The following NAALADL2 variants were observed in gnomAD, a reference collection of about 807,000 sequenced individuals.
NAALADL2 encodes the protein N-acetylated alpha-linked acidic dipeptidase like 2, also known as inactive N-acetylated-alpha-linked acidic dipeptidase-like protein 2.
NAALADL2 carries 76 observed loss-of-function variants against 87.2 expected under a neutral mutation model. That is an observed-to-expected ratio of 0.87 (90% CI 0.72 to 1.05). The LOEUF is 1.05. Among genes scored for constraint, NAALADL2 ranks in the 50% least tolerant of loss-of-function variants. NAALADL2 has a pLI of 0.00. For synonymous variants in NAALADL2, 354 were observed against 331.0 expected, an observed-to-expected ratio of 1.07 and a Z score of -0.75; for missense variants, 1,089 against 945.8, an observed-to-expected ratio of 1.15 and a Z score of -1.99.
intron 2 of NAALADL2, among the ~76,000 whole-genome samples, chr3:175,224,726 A>G (rs1743908366): frequency 6.6e-6 from 1 of 152,188 alleles, no homozygotes; most frequent in Non-Finnish European, 1.5e-5. Flanking sequence ...TGGTCTAGCA[A>G]GAAACCTCTT....
At chr3:175,147,663 T>C (rs910416204) in intron 2 of NAALADL2, among the ~76,000 whole-genome samples, 8 of 152,192 alleles carry the variant, frequency 5.3e-5, no homozygotes, top group African/African-American at 1.4e-4. Flanking sequence ...TTGAGAAATC[T>C]TCAAACTGCT....
chr3:175,650,281 C>T (rs1226908952), intron 11 of NAALADL2, among the ~76,000 whole-genome samples: 1 of 152,096 alleles, frequency 6.6e-6, no homozygotes, highest in African/African-American at 2.4e-5. Flanking sequence ...TTTATAGAGA[C>T]AGAAAGCAGA....
intron 2 of NAALADL2, among the ~76,000 whole-genome samples, chr3:175,194,853 T>G (rs1159116115): frequency 6.6e-6 from 1 of 151,752 alleles, no homozygotes; most frequent in Non-Finnish European, 1.5e-5. Flanking sequence ...TATCAAATCA[T>G]TTAATAATGA....
In NAALADL2 at chr3:175,803,733, C is replaced by T. The variant is rs1022923058; in HGVS notation, c.*530C>T. On this transcript the variant is annotated 3_prime_UTR_variant, in exon 14 of 14. Transcript: ENST00000454872. ...TTCTATTTTATGAAATGAAGTTTCT[C>T]TTCTTAACACAACTAGATGTAGTAA... 2 of 152,324 alleles carry T rather than the reference C, an allele frequency of 1.3e-5. No individual in the cohort carries two copies. The highest frequency in any genetic ancestry group is 4.8e-5 in the African/African-American group (2 of 41,376). The allele number at this position is 152,324 out of a possible 1,614,324, so 9.4% of individuals were successfully genotyped here.
At chr3:175,079,956 T>C (rs748499842) in intron 1 of NAALADL2, among the ~76,000 whole-genome samples, 1 of 151,862 alleles carries the variant, frequency 6.6e-6, no homozygotes, top group South Asian at 2.1e-4. Flanking sequence ...TTTCACATAT[T>C]CTAGAAATAT....
At position 174,824,224 on chromosome 3, in the gene NAALADL2, A is replaced by G. The variant is rs1471714498; in HGVS notation, c.-9+86478A>G. Among the ~76,000 whole-genome samples the G allele has an allele frequency of 4.6e-5, 7 of 152,304 alleles. No individual in the cohort carries two copies. In the East Asian group the frequency reaches 1.4e-3, roughly 29 times the overall value. The stretch of plus-strand genomic sequence containing the variant: ...TAAAATTATAACTGGAAAAAGGTGC[A>G]TATGTAAAATTTAACATTTTAATTT... On this transcript the variant is annotated intron_variant, in intron 3 of 3. Transcript: ENST00000434257.
chr3:175,641,129 A>C (rs1433143523), intron 11 of NAALADL2, among the ~76,000 whole-genome samples: 1 of 152,036 alleles, frequency 6.6e-6, no homozygotes, highest in African/African-American at 2.4e-5. Context: ...CCTCATGACT[A>C]GCTTTCTCTA....
intron 1 of NAALADL2, among the ~76,000 whole-genome samples, chr3:175,052,548 AG>A (rs1580204091): frequency 6.6e-6 from 1 of 152,230 alleles, no homozygotes; most frequent in East Asian, 1.9e-4. Context: ...TTGAAATCCC[AG>A]AGCTTCCAAG....
chr3:175,345,387 G>A (rs1003718590), intron 5 of NAALADL2, among the ~76,000 whole-genome samples: 1 of 152,030 alleles, frequency 6.6e-6, no homozygotes, highest in Admixed American at 6.6e-5. Flanking sequence ...AGTACCGTCT[G>A]ATGAATCTTC....
At chr3:174,689,987 T>C (rs1311989575) in intron 2 of NAALADL2, among the ~76,000 whole-genome samples, 1 of 151,844 alleles carries the variant, frequency 6.6e-6, no homozygotes, top group African/African-American at 2.4e-5. Flanking sequence ...AAAAAGGTCC[T>C]GAGTCTAACC....
rs1725326855 is a variant in NAALADL2, at chr3:175,616,179, A to C, written c.1801-11112A>C. Among the ~76,000 whole-genome samples the C allele has an allele frequency of 2.0e-5, 3 of 147,912 alleles. No individual in the cohort carries two copies. The Admixed American group carries it at 2.0e-4, about 10-fold the overall frequency. The stretch of plus-strand genomic sequence containing the variant: ...TGTTTTATATAATATAAATGTGTCT[A>C]TATTTTATTACAAGCAATCATATTC... On this transcript the variant is annotated intron_variant, in intron 10 of 13. Transcript: ENST00000454872.
chr3:174,547,394 A>T (rs571825285), intron 1 of NAALADL2, among the ~76,000 whole-genome samples: 1 of 152,210 alleles, frequency 6.6e-6, no homozygotes, highest in East Asian at 1.9e-4. Flanking sequence ...AAGCTCTAGG[A>T]TGTGGATTAT....
intron 5 of NAALADL2, among the ~76,000 whole-genome samples, chr3:175,344,428 T>C (rs927189473): frequency 1.3e-5 from 2 of 151,350 alleles, no homozygotes; most frequent in South Asian, 2.1e-4. Context: ...TGTCTGCTGA[T>C]CAAGTATGCC....
intron 6 of NAALADL2, among the ~76,000 whole-genome samples, chr3:175,448,938 G>A (rs1721106531): frequency 6.6e-6 from 1 of 151,978 alleles, no homozygotes; most frequent in South Asian, 2.1e-4. Context: ...CTGGTCTTGA[G>A]CTCCCTAGAT....
chr3:175,528,973 C>T (rs937220324), intron 9 of NAALADL2, among the ~76,000 whole-genome samples: 1 of 152,148 alleles, frequency 6.6e-6, no homozygotes, highest in African/African-American at 2.4e-5. Flanking sequence ...ATTCCCTTTG[C>T]CTTCAGCAAG....
chr3:174,866,682 T>C lies in NAALADL2; in HGVS notation c.43+7232T>C, dbSNP rs573814434. Among the ~76,000 whole-genome samples the C allele has an allele frequency of 3.5e-3, 538 of 151,766 alleles. 3 individuals carry two copies. The highest frequency in any genetic ancestry group is 0.02 in the Middle Eastern group (6 of 294). ...ATGGCAGATCTGGGGAAGAGGAGAA[T>C]AGAGATAAGAATAAGGAAGAGCATA... On this transcript the variant is annotated intron_variant, in intron 1 of 13. Coordinates refer to ENST00000454872, the MANE Select transcript of NAALADL2 (RefSeq NM_207015.3).
intron 10 of NAALADL2, among the ~76,000 whole-genome samples, chr3:175,609,916 A>T (rs1256675803): frequency 1.3e-5 from 2 of 152,110 alleles, no homozygotes; most frequent in African/African-American, 2.4e-5. Context: ...GTCTATCCTG[A>T]GCTGTCCCAC....
chr3:175,573,422 A>G (rs62285565), intron 9 of NAALADL2, among the ~76,000 whole-genome samples: 1 of 152,094 alleles, frequency 6.6e-6, no homozygotes, highest in South Asian at 2.1e-4. Context: ...ATGGTGCAAC[A>G]ATCTCGATTT....
chr3:174,686,417 G>A (rs988892814), intron 2 of NAALADL2, among the ~76,000 whole-genome samples: 3 of 151,772 alleles, frequency 2.0e-5, no homozygotes, highest in South Asian at 2.1e-4. Flanking sequence ...GTGTGAGATG[G>A]GATCTCATTG....
Sources: allele counts gnomAD v4.1 joint callset (sites outside exome capture counted in the v4.1 genomes callset), GRCh38; gene constraint gnomAD v4.1.1; transcripts MANE v1.5; gene names NCBI Gene and HGNC (gene_info 2026-07-23, HGNC 2026-07-21).